RABL6: variants seen among roughly 807,000 people sequenced by gnomAD.
RABL6 encodes RAB, member RAS oncogene family like 6.
In RABL6, 28 loss-of-function variants were observed where a neutral mutation model predicts 72.9. The ratio of observed to expected loss-of-function variants is 0.38; its 90% CI spans 0.28 to 0.53. RABL6 has a LOEUF of 0.53. RABL6 is among the 20% of genes least tolerant of loss of function. RABL6 has a pLI of 0.80. For missense variants in RABL6, 1,029 were observed against 1,008.4 expected (o/e 1.02, Z -0.28); for synonymous variants, 477 against 421.2 (o/e 1.13, Z -1.62).
At chr9:136,833,676 C>T in intron 7 of RABL6, 2 of 1,548,574 alleles carry the variant, frequency 1.3e-6, no homozygotes, top group Non-Finnish European at 1.7e-6. Flanking sequence ...GTCTGGGGGA[C>T]CTGGGGCCCA....
At chr9:136,823,012 C>T (rs1848274796) in intron 1 of RABL6, among the ~76,000 whole-genome samples, 2 of 150,292 alleles carry the variant, frequency 1.3e-5, no homozygotes, top group African/African-American at 4.9e-5. Context: ...GGCGTGAACC[C>T]GGGAGGTGGA....
intron 1 of RABL6, chr9:136,813,285 T>C: frequency 1.7e-6 from 1 of 602,536 alleles, no homozygotes; most frequent in Non-Finnish European, 3.1e-6. Flanking sequence ...TGTAAGTGCA[T>C]GCACACCCTT....
rs192021397 is a variant in RABL6, at chr9:136,834,260, C to T, written c.706-1482C>T. Reference sequence around the variant, plus strand: ...CTGACCGTAGTACCTAATGTAATACCGCATGTTAAACTCACAGAAGGTTTT... The same window carrying T: ...CTGACCGTAGTACCTAATGTAATACTGCATGTTAAACTCACAGAAGGTTTT... On this transcript the variant is annotated intron_variant, in intron 7 of 14. Transcript: ENST00000311502. 4.8e-5 allele frequency: 53 copies of T among 1,099,706 alleles called. No homozygotes were observed. In the East Asian group the frequency reaches 1.4e-3, roughly 29 times the overall value. 68.1% of individuals were successfully genotyped at this position (1,099,706 alleles called of 1,614,324 possible).
intron 1 of RABL6, chr9:136,821,784 T>TC (rs1169050827): frequency 4.8e-5 from 56 of 1,171,444 alleles, no homozygotes; most frequent in Non-Finnish European, 5.9e-5. Flanking sequence ...GCCTCTGTTC[T>TC]CCAAGTTCTC....
chr9:136,821,695 C>T (rs1848241197), intron 1 of RABL6: 3 of 1,013,430 alleles, frequency 3.0e-6, no homozygotes, highest in South Asian at 3.6e-5. Flanking sequence ...CTCCTGGCTG[C>T]GCTGAGCGCC....
intron 1 of RABL6, among the ~76,000 whole-genome samples, chr9:136,817,646 G>T (rs904860564): frequency 6.7e-6 from 1 of 149,284 alleles, no homozygotes; most frequent in African/African-American, 2.5e-5. Flanking sequence ...CTTGAGAGCC[G>T]TGTGACTGGC....
rs114066108 is a variant in RABL6, at chr9:136,824,730, C to T, written c.266-1049C>T. Among the ~76,000 whole-genome samples the T allele has an allele frequency of 1.9e-3, 292 of 151,988 alleles. 2 individuals are homozygous for T. The highest frequency in any genetic ancestry group is 6.6e-3 in the African/African-American group (274 of 41,438). ...AGTTTGAGCTGCCACGTGGTGACAG[C>T]TGACACTTGGACTGCTGTGCAGGAA... is the stretch of plus-strand genomic sequence containing the variant. On this transcript the variant is annotated intron_variant, in intron 2 of 14. Coordinates refer to ENST00000311502, the MANE Select transcript of RABL6 (RefSeq NM_024718.5).
chr9:136,808,142 C>G lies in RABL6; in HGVS notation c.-55C>G. On this transcript the variant is annotated 5_prime_UTR_variant, in exon 1 of 15. Coordinates refer to ENST00000311502, the MANE Select transcript of RABL6 (RefSeq NM_024718.5). ...GACATGGTGCCAGTCGCACCCCTTC[C>G]CCGCCGCCGCTGAGCTCGCCGGCCG... 6.9e-7 allele frequency: 1 copy of G among 1,457,114 alleles called. No individual in the cohort carries two copies. The highest frequency in any genetic ancestry group is 9.1e-7 in the Non-Finnish European group (1 of 1,098,744). 90.3% of individuals were successfully genotyped at this position (1,457,114 alleles called of 1,614,324 possible).
chr9:136,810,771 G>T (rs890238690), intron 1 of RABL6, among the ~76,000 whole-genome samples: 2 of 152,210 alleles, frequency 1.3e-5, no homozygotes, highest in Non-Finnish European at 2.9e-5. Context: ...TCAATCTCCT[G>T]ACCTCGTGAT....
At chr9:136,818,362 C>CAAAAAAA (rs1564360781) in intron 1 of RABL6, among the ~76,000 whole-genome samples, 3 of 15,020 alleles carry the variant, frequency 2.0e-4, no homozygotes, top group Non-Finnish European at 3.7e-4. Flanking sequence ...GACTCTGTCT[C>CAAAAAAA]AAAAAAAAAA....
chr9:136,839,876 G>A lies in RABL6; in HGVS notation c.1930+11G>A. 3.1e-6 allele frequency: 5 copies of A among 1,608,662 alleles called. No homozygotes were observed. The highest frequency in any genetic ancestry group is 1.7e-4 in the Middle Eastern group (1 of 6,006). On this transcript the variant is annotated intron_variant, in intron 13 of 14. Transcript: ENST00000311502. ...AGAGCAGTGAGGAAGGTGGGTGGGGGCACCAGAGTGCGGTCAGCCTGCTGG... is the reference window on the plus strand; with the variant it reads ...AGAGCAGTGAGGAAGGTGGGTGGGGACACCAGAGTGCGGTCAGCCTGCTGG...
intron 5 of RABL6, among the ~76,000 whole-genome samples, chr9:136,830,361 C>T (rs1848446915): frequency 1.3e-5 from 2 of 152,274 alleles, no homozygotes; most frequent in Admixed American, 1.3e-4. Context: ...CCAACCTTTG[C>T]CAATGCTGGG....
At chr9:136,814,103 C>A in intron 1 of RABL6, 1 of 344,072 alleles carries the variant, frequency 2.9e-6, no homozygotes, top group Non-Finnish European at 5.9e-6. Flanking sequence ...GCTTGAAAAT[C>A]CACATAGTCA....
At chr9:136,827,725 A>C (rs1280196577) in intron 3 of RABL6, 1 of 152,288 alleles carries the variant, frequency 6.6e-6, no homozygotes, top group Non-Finnish European at 1.5e-5. Flanking sequence ...TTCAGAAACA[A>C]GCTGTGGAAT....
At chr9:136,837,722 G>T (rs2131204075) in intron 9 of RABL6, 60 bp downstream of exon 9, 1 of 1,546,318 alleles carries the variant, frequency 6.5e-7, no homozygotes, top group Non-Finnish European at 8.7e-7. Context: ...TCACAGGTGG[G>T]GTCCTGGATT....
intron 7 of RABL6, 129 bp downstream of exon 7, chr9:136,832,499 G>A: frequency 1.2e-6 from 1 of 826,042 alleles, no homozygotes; most frequent in Non-Finnish European, 2.1e-6. Flanking sequence ...ATTGGCTGCT[G>A]GCAAGGGCCC....
In RABL6 at chr9:136,823,748, G is replaced by C. The variant is rs1009387794; in HGVS notation, c.265+89G>C. The C allele has an allele frequency of 2.1e-6, 3 of 1,441,818 alleles. No individual in the cohort carries two copies. In the Admixed American group the frequency reaches 7.5e-5, roughly 36 times the overall value. The allele number at this position is 1,441,818 out of a possible 1,614,324, so 89.3% of individuals were successfully genotyped here. Reference sequence around the variant, plus strand: ...CTGGGAGATGCATTCCCCAGAGGGGGTCTCCCCGAAGAGTTCTTGTCTGTG... The same window carrying C: ...CTGGGAGATGCATTCCCCAGAGGGGCTCTCCCCGAAGAGTTCTTGTCTGTG... On this transcript the variant is annotated intron_variant, in intron 2 of 14. Coordinates refer to ENST00000311502, the MANE Select transcript of RABL6 (RefSeq NM_024718.5).
intron 8 of RABL6, 155 bp from the exon 9 acceptor site, chr9:136,837,191 G>A (rs2131202963): frequency 1.1e-6 from 1 of 883,862 alleles, no homozygotes; most frequent in Non-Finnish European, 1.9e-6. Flanking sequence ...GCTGCCCTTG[G>A]AAGTGGATGG....
At chr9:136,822,892 C>T (rs2811756) in intron 1 of RABL6, among the ~76,000 whole-genome samples, 126,775 of 152,054 alleles carry the variant, frequency 0.83, 53,099 homozygotes, top group African/African-American at 0.92. Context: ...ATCGAGACCA[C>T]CCTGGCTAAC....
Sources: gnomAD v4.1 joint callset for allele counts (sites outside exome capture counted in the v4.1 genomes callset) on GRCh38, gnomAD v4.1.1 for gene constraint, MANE v1.5 for transcripts, NCBI Gene and HGNC (gene_info 2026-07-23, HGNC 2026-07-21) for gene names.